The following DNER variants were observed in gnomAD, a reference collection of about 807,000 sequenced individuals.
The protein encoded by DNER is delta and Notch-like epidermal growth factor-related receptor.
Under a neutral mutation model 78.2 loss-of-function variants are expected in DNER, and 33 were observed. The ratio of observed to expected loss-of-function variants is 0.42; its 90% CI spans 0.32 to 0.56. The LOEUF (loss-of-function observed/expected upper bound fraction) is 0.56. Ranked by LOEUF, DNER falls within the 20% of genes least tolerant of loss-of-function variation. DNER has a pLI of 0.11. For synonymous variants in DNER, 417 were observed against 384.8 expected (o/e 1.08, Z -0.98); for missense variants, 918 against 975.3 (o/e 0.94, Z 0.78).
chr2:229,632,170 T>C (rs569125583), intron 1 of DNER, among the ~76,000 whole-genome samples: 1 of 152,314 alleles, frequency 6.6e-6, no homozygotes, highest in East Asian at 1.9e-4. Context: ...AAGTCAAACA[T>C]TGTATCACTT....
chr2:229,400,951 G>A (rs1003580267), intron 10 of DNER, among the ~76,000 whole-genome samples: 4 of 152,032 alleles, frequency 2.6e-5, no homozygotes, highest in African/African-American at 7.2e-5. Flanking sequence ...CAACGTCAAT[G>A]ATCATAAATC....
chr2:229,668,258 C>A (rs552906022), intron 1 of DNER, among the ~76,000 whole-genome samples: 10 of 151,974 alleles, frequency 6.6e-5, no homozygotes, highest in African/African-American at 2.2e-4. Flanking sequence ...GTGATGTAGG[C>A]TCATGACTCT....
rs1302721035 is a variant in DNER at position 229,499,550 on chromosome 2, T to A, written c.1147+13233A>T. Among the ~76,000 whole-genome samples, 4 of 151,718 alleles carry A rather than the reference T, an allele frequency of 2.6e-5. No homozygotes were observed. The East Asian group carries it at 7.7e-4, about 29-fold the overall frequency. On this transcript the variant is annotated intron_variant, in intron 6 of 12. Transcript: ENST00000341772. ...CACATGCAGAAGAATGAAATTGGAC[T>A]CTGATCTCACATCATATGCAAAACA...
intron 6 of DNER, among the ~76,000 whole-genome samples, chr2:229,506,909 G>A (rs1181198040): frequency 6.6e-6 from 1 of 152,168 alleles, no homozygotes; most frequent in Admixed American, 6.5e-5. Flanking sequence ...TATGTTTTAA[G>A]AAACGTGTTG....
chr2:229,554,929 A>G (rs1696827166), intron 4 of DNER, among the ~76,000 whole-genome samples: 39 of 36,224 alleles, frequency 1.1e-3, no homozygotes, highest in Middle Eastern at 0.016. Flanking sequence ...AGAGAAGAGA[A>G]GAGAAGAGAG....
chr2:229,421,071 T>C (rs1693754554), intron 8 of DNER, among the ~76,000 whole-genome samples: 2 of 152,188 alleles, frequency 1.3e-5, no homozygotes, highest in African/African-American at 4.8e-5. Context: ...CATAATACAA[T>C]GGAATATTAT....
At chr2:229,364,317 T>C (rs1692290410) in intron 12 of DNER, among the ~76,000 whole-genome samples, 1 of 152,062 alleles carries the variant, frequency 6.6e-6, no homozygotes. Flanking sequence ...CTAACTGAGA[T>C]CATCCATTCA....
At chr2:229,517,505 G>GGTAT (rs1224465392) in intron 5 of DNER, among the ~76,000 whole-genome samples, 6 of 152,202 alleles carry the variant, frequency 3.9e-5, no homozygotes. Flanking sequence ...TCCGAGGAAA[G>GGTAT]GTATTCCAGG....
At chr2:229,668,248 G>A (rs1699129351) in intron 1 of DNER, among the ~76,000 whole-genome samples, 1 of 151,832 alleles carries the variant, frequency 6.6e-6, no homozygotes, top group Non-Finnish European at 1.5e-5. Flanking sequence ...TCACTGTGGG[G>A]TGATGTAGGC....
chr2:229,674,521 C>A (rs542901462), intron 1 of DNER, among the ~76,000 whole-genome samples: 1 of 152,266 alleles, frequency 6.6e-6, no homozygotes, highest in South Asian at 2.1e-4. Flanking sequence ...TCAAGTGATC[C>A]TCCCCTCTTG....
At chr2:229,646,593 C>T (rs1466608375) in intron 1 of DNER, among the ~76,000 whole-genome samples, 3 of 152,230 alleles carry the variant, frequency 2.0e-5, no homozygotes, top group Admixed American at 6.5e-5. Context: ...ATGCTCGTTA[C>T]ACAACATTAC....
chr2:229,470,191 A>C (rs1416007768), intron 7 of DNER, among the ~76,000 whole-genome samples: 1 of 152,224 alleles, frequency 6.6e-6, no homozygotes, highest in East Asian at 1.9e-4. Flanking sequence ...TTAGAAATCA[A>C]AATTTATGTT....
rs190188476 is a variant in DNER at position 229,638,838 on chromosome 2, T to C, written c.277-46950A>G. Among the ~76,000 whole-genome samples the C allele has an allele frequency of 2.1e-3, 327 of 152,318 alleles. 1 individual carries two copies. Among genetic ancestry groups the C allele is most frequent in the African/African-American group, 7.5e-3 (310 of 41,554 alleles). ...AAAGCAATCTACAAAACTATATCGG[T>C]AAAACCCACCTCACAGATTAAGAAA... On this transcript the variant is annotated intron_variant, in intron 1 of 12. Transcript: ENST00000341772.
At chr2:229,418,326 G>A in intron 8 of DNER, 96 bp from the exon 9 acceptor site, 1 of 1,529,518 alleles carries the variant, frequency 6.5e-7, no homozygotes, top group South Asian at 1.2e-5. Flanking sequence ...GTATTCATTA[G>A]AAAGTATGGT....
intron 1 of DNER, among the ~76,000 whole-genome samples, chr2:229,610,285 C>T (rs2154215147): frequency 6.6e-6 from 1 of 152,276 alleles, no homozygotes; most frequent in South Asian, 2.1e-4. Flanking sequence ...GCAGAAATCT[C>T]AGGAAACACT....
rs548640851 is a variant in DNER, at chr2:229,441,909, G to T, written c.1486+5407C>A. 2.0e-5 allele frequency among the ~76,000 whole-genome samples: 3 copies of T among 152,068 alleles called. No homozygotes were observed. In the East Asian group the frequency reaches 5.8e-4, roughly 30 times the overall value. ...TGCCAAGCAAGCTCCTGACATCAGC[G>T]GCTGCTCTTCTTTTTCTCAGTTCTC... On this transcript the variant is annotated intron_variant, in intron 8 of 12. Coordinates refer to ENST00000341772, the MANE Select transcript of DNER (RefSeq NM_139072.4).
intron 1 of DNER, among the ~76,000 whole-genome samples, chr2:229,703,880 G>A (rs186457522): frequency 1.3e-3 from 184 of 147,080 alleles, no homozygotes; most frequent in Middle Eastern, 6.9e-3. Context: ...GTGAGACCCT[G>A]TCTCAAAAAA....
intron 6 of DNER, among the ~76,000 whole-genome samples, chr2:229,507,972 G>A (rs984270130): frequency 1.3e-5 from 2 of 152,126 alleles, no homozygotes; most frequent in African/African-American, 4.8e-5. Context: ...TTTACAATTT[G>A]TATAACAAAT....
intron 4 of DNER, among the ~76,000 whole-genome samples, chr2:229,585,611 G>A (rs1199889290): frequency 6.6e-6 from 1 of 150,950 alleles, no homozygotes; most frequent in African/African-American, 2.4e-5. Context: ...AGTGAGCCAA[G>A]ATCGCGCCAG....
Sources: gnomAD v4.1 joint callset for allele counts (sites outside exome capture counted in the v4.1 genomes callset) on GRCh38, gnomAD v4.1.1 for gene constraint, MANE v1.5 for transcripts, NCBI Gene and HGNC (gene_info 2026-07-23, HGNC 2026-07-21) for gene names.